Variants in POTEJ observed in about 807,000 individuals in gnomAD.
The protein encoded by POTEJ is POTE ankyrin domain family, member J.
POTEJ carries 11 observed loss-of-function variants against 69.0 expected under a neutral mutation model. The observed-to-expected ratio is 0.16, with a 90% CI of 0.10 to 0.26. The LOEUF (loss-of-function observed/expected upper bound fraction) is 0.26. Among genes scored for constraint, POTEJ ranks in the 10% least tolerant of loss-of-function variants. The pLI is 1.00. For missense variants in POTEJ, 327 were observed against 1,045.5 expected (o/e 0.31, Z 9.48); for synonymous variants, 117 against 381.1 (o/e 0.31, Z 8.07).
chr2:130,613,402 A>ATATG (rs1685312984), intron 1 of POTEJ, among the ~76,000 whole-genome samples: 2 of 141,862 alleles, frequency 1.4e-5, no homozygotes, highest in Admixed American at 1.5e-4. Flanking sequence ...ATATATATAT[A>ATATG]TATATATACT....
At chr2:130,624,489 G>T (rs1369168121) in intron 6 of POTEJ, among the ~76,000 whole-genome samples, 3 of 151,450 alleles carry the variant, frequency 2.0e-5, no homozygotes, top group Non-Finnish European at 4.4e-5. Flanking sequence ...TTCACAACAG[G>T]TTCATGCTCC....
chr2:130,655,561 T>C (rs1225348805), intron 14 of POTEJ, among the ~76,000 whole-genome samples: 1 of 152,240 alleles, frequency 6.6e-6, no homozygotes, highest in Non-Finnish European at 1.5e-5. Context: ...GATACACATT[T>C]AGTAATAATT....
At chr2:130,637,371 CAGTGGCGCGA>C (rs1481490612) in intron 9 of POTEJ, among the ~76,000 whole-genome samples, 2 of 150,950 alleles carry the variant, frequency 1.3e-5, no homozygotes, top group Admixed American at 6.6e-5. Flanking sequence ...GGCTGGAGTG[CAGTGGCGCGA>C]TCTCAGTTCA....
chr2:130,637,725 C>T (rs1383058801), intron 9 of POTEJ, among the ~76,000 whole-genome samples: 1 of 152,332 alleles, frequency 6.6e-6, no homozygotes, highest in Non-Finnish European at 1.5e-5. Flanking sequence ...GCAACTTCTT[C>T]GTGGAACCTA....
In POTEJ at chr2:130,645,674, C is replaced by T. The variant is rs1573993245; in HGVS notation, c.1441-63C>T. The T allele has an allele frequency of 4.0e-5, 13 of 327,036 alleles. No individual in the cohort carries two copies. In the East Asian group the frequency reaches 5.7e-4, roughly 14 times the overall value. The allele number at this position is 327,036 out of a possible 1,614,324, so 20.3% of individuals were successfully genotyped here. A position where few individuals can be genotyped will look rare whatever the true frequency, so the allele number is the denominator to read the frequency against. On this transcript the variant is annotated intron_variant, in intron 11 of 14. Coordinates refer to ENST00000409602, the MANE Select transcript of POTEJ (RefSeq NM_001277083.2). ...TAAAATTATTTTAAAAACATGCACT[C>T]CAAAAGAGGAAATGTCACAGAAATA...
In POTEJ at chr2:130,611,683, G is replaced by T. The variant is rs748566049; in HGVS notation, c.151G>T (p.Asp51Tyr). Residue 51 changes from aspartate to tyrosine, a missense_variant, in exon 1 of 15, where the codon GAC becomes TAC. By Grantham distance (160) the Asp-to-Tyr change is radical. Coordinates refer to ENST00000409602, the MANE Select transcript of POTEJ (RefSeq NM_001277083.2). ...SNVGTSGDQD[D>Y]STMKTLRSKM... is the part of the protein sequence containing the mutation. ...CGTGGGCACTTCTGGAGACCAGGAC[G>T]ACTCCACTATGAAGACACTCAGGAG... The T allele has an allele frequency of 6.8e-6, 9 of 1,324,640 alleles. No individual in the cohort carries two copies. Among genetic ancestry groups the T allele is most frequent in the Non-Finnish European group, 8.4e-6 (8 of 956,578 alleles). 82.1% of individuals were successfully genotyped at this position (1,324,640 alleles called of 1,614,324 possible). A position where few individuals can be genotyped will look rare whatever the true frequency, so the allele number is the denominator to read the frequency against.
chr2:130,613,371 T>TGG (rs1685306671), intron 1 of POTEJ, among the ~76,000 whole-genome samples: 1 of 118,226 alleles, frequency 8.5e-6, no homozygotes, highest in Non-Finnish European at 1.8e-5. Flanking sequence ...TACATATATA[T>TGG]GTGTGTGTGT....
intron 14 of POTEJ, among the ~76,000 whole-genome samples, chr2:130,656,023 A>C (rs1457556047): frequency 6.9e-6 from 1 of 144,024 alleles, no homozygotes; most frequent in Admixed American, 7.0e-5. Flanking sequence ...TAGAAATATT[A>C]GAAATGTAGA....
intron 1 of POTEJ, among the ~76,000 whole-genome samples, chr2:130,613,403 TATATATAC>T (rs1212393819): frequency 7.0e-6 from 1 of 143,858 alleles, no homozygotes; most frequent in Non-Finnish European, 1.5e-5. Flanking sequence ...TATATATATA[TATATATAC>T]TTTTTTTTTT....
rs1395631908 is a variant in POTEJ, at chr2:130,636,081, C to A, written c.1299-2538C>A. 2.8e-5 allele frequency among the ~76,000 whole-genome samples: 4 copies of A among 144,802 alleles called. No homozygotes were observed. The South Asian group carries it at 6.2e-4, about 23-fold the overall frequency. 95.0% of individuals were successfully genotyped at this position (144,802 alleles called of 152,430 possible). On this transcript the variant is annotated intron_variant, in intron 9 of 14. Transcript: ENST00000409602. Reference sequence around the variant, plus strand: ...CTGAATTCTTGCCATCCTGTATCTACCCCTAGTGCTTAAAGACTCCAGACA... The same window carrying A: ...CTGAATTCTTGCCATCCTGTATCTAACCCTAGTGCTTAAAGACTCCAGACA...
chr2:130,640,719 T>C (rs1233054053), intron 10 of POTEJ, among the ~76,000 whole-genome samples: 35 of 152,160 alleles, frequency 2.3e-4, no homozygotes, highest in African/African-American at 7.5e-4. Context: ...GGCTGGGTCA[T>C]ACCACATGCT....
rs1388719745 is a variant in POTEJ at position 130,648,499 on chromosome 2, C to T, written c.1667+2189C>T. 2.2e-5 allele frequency among the ~76,000 whole-genome samples: 3 copies of T among 139,148 alleles called. No individual in the cohort carries two copies. The East Asian group carries it at 5.8e-4, about 27-fold the overall frequency. 91.3% of individuals were successfully genotyped at this position (139,148 alleles called of 152,430 possible). ...CGGTAAGTCTTCAATTTCAGCACTCCTCCAGAGTTGTTTTTCCTCAAGATT... is the reference window on the plus strand; with the variant it reads ...CGGTAAGTCTTCAATTTCAGCACTCTTCCAGAGTTGTTTTTCCTCAAGATT... On this transcript the variant is annotated intron_variant, in intron 13 of 14. Transcript: ENST00000409602.
chr2:130,623,051 T>G lies in POTEJ; in HGVS notation c.945-1013T>G, dbSNP rs1389397959. 3.5e-5 allele frequency: 5 copies of G among 143,546 alleles called. No homozygotes were observed. In the South Asian group the frequency reaches 1.1e-3, roughly 30 times the overall value. The allele number at this position is 143,546 out of a possible 1,614,324, so 8.9% of individuals were successfully genotyped here. On this transcript the variant is annotated intron_variant, in intron 5 of 14. Transcript: ENST00000409602. ...CAAATATTGAAATTGTGATTTCTGC[T>G]GCAAAAATAGTCATGTAAGATGGTC...
At chr2:130,639,081 A>G (rs1409777979) in intron 10 of POTEJ, among the ~76,000 whole-genome samples, 1 of 152,306 alleles carries the variant, frequency 6.6e-6, no homozygotes, top group Non-Finnish European at 1.5e-5. Context: ...GCTATCACTG[A>G]TCTGACTGGA....
chr2:130,629,018 CAA>C (rs1192762341), intron 6 of POTEJ, among the ~76,000 whole-genome samples: 6 of 124,530 alleles, frequency 4.8e-5, no homozygotes, highest in African/African-American at 1.9e-4. Flanking sequence ...GACCCTGGCT[CAA>C]AAAAAAAAAA....
At chr2:130,646,578 C>T (rs1347052406) in intron 13 of POTEJ, among the ~76,000 whole-genome samples, 28 of 145,998 alleles carry the variant, frequency 1.9e-4, no homozygotes, top group Non-Finnish European at 3.3e-4. Flanking sequence ...CTTCGGGGTA[C>T]GTGTGCAGGT....
At chr2:130,612,525 G>A (rs556195541) in intron 1 of POTEJ, among the ~76,000 whole-genome samples, 2 of 152,406 alleles carry the variant, frequency 1.3e-5, no homozygotes, top group South Asian at 2.1e-4. Context: ...CCAGCACTTT[G>A]GGAGGCGGGC....
At chr2:130,621,703 T>C (rs1400461048) in intron 5 of POTEJ, 100 bp downstream of exon 5, 1 of 1,610,180 alleles carries the variant, frequency 6.2e-7, no homozygotes, top group African/African-American at 1.3e-5. Flanking sequence ...ATAGTTTGGT[T>C]CAGGTAGTTT....
At position 130,657,099 on chromosome 2, in the gene POTEJ, A is replaced by T. The variant is rs1367557287; in HGVS notation, c.2339A>T (p.Glu780Val). 9 of 1,576,670 alleles carry T rather than the reference A, an allele frequency of 5.7e-6. No homozygotes were observed. Among genetic ancestry groups the T allele is most frequent in the Non-Finnish European group, 7.8e-6 (9 of 1,154,826 alleles). The change falls in exon 15 of 15, where the codon GAG (glutamate) becomes GTG (valine). Residue 780 changes from glutamate to valine, a missense_variant. Glu to Val is a moderately radical substitution (Grantham distance 121, BLOSUM62 -2). Coordinates refer to ENST00000409602, the MANE Select transcript of POTEJ (RefSeq NM_001277083.2). ...EAPLNPKANR[E>V]KMTQIMFETF... ...CCCCTGAACCCCAAGGCCAACCGCG[A>T]GAAGATGACCCAGATCATGTTTGAG...
Sources: allele counts gnomAD v4.1 joint callset (sites outside exome capture counted in the v4.1 genomes callset), GRCh38; gene constraint gnomAD v4.1.1; transcripts MANE v1.5; gene names NCBI Gene and HGNC (gene_info 2026-07-23, HGNC 2026-07-21).